The following PDIA5 variants were observed in gnomAD, a reference collection of about 807,000 sequenced individuals.
PDIA5 encodes protein disulfide isomerase family A member 5.
Under a neutral mutation model 77.6 loss-of-function variants are expected in PDIA5, and 58 were observed. The ratio of observed to expected loss-of-function variants is 0.75; its 90% confidence interval spans 0.61 to 0.93. The LOEUF is 0.93. Among genes scored for constraint, PDIA5 ranks in the 40% least tolerant of loss-of-function variants. The probability of loss-of-function intolerance (pLI) is 0.00; values close to 1 mark genes in which losing one functional copy is unlikely to be tolerated. For synonymous variants in PDIA5, 250 were observed against 252.1 expected (o/e 0.99, Z 0.08); for missense variants, 630 against 647.7 (o/e 0.97, Z 0.30).
At chr3:123,137,291 A>C (rs572632329) in intron 11 of PDIA5, among the ~76,000 whole-genome samples, 30 of 152,304 alleles carry the variant, frequency 2.0e-4, no homozygotes, top group African/African-American at 6.7e-4. Flanking sequence ...TTCATGTGAT[A>C]ATCAGCTTTT....
At chr3:123,108,303 CAG>C (rs2107939049) in intron 6 of PDIA5, among the ~76,000 whole-genome samples, 1 of 140,458 alleles carries the variant, frequency 7.1e-6, no homozygotes, top group Non-Finnish European at 1.5e-5. Flanking sequence ...TTTTTTGAGA[CAG>C]AGTCTTACTT....
At chr3:123,128,247 G>T (rs112095313) in intron 10 of PDIA5, among the ~76,000 whole-genome samples, 13 of 152,292 alleles carry the variant, frequency 8.5e-5, no homozygotes, top group African/African-American at 2.9e-4. Flanking sequence ...TGTGCGTGTG[G>T]TTCTTGGGCC....
At chr3:123,077,438 G>T (rs914104881) in intron 1 of PDIA5, among the ~76,000 whole-genome samples, 2 of 152,116 alleles carry the variant, frequency 1.3e-5, no homozygotes, top group East Asian at 1.9e-4. Flanking sequence ...TCTGTTCCTT[G>T]CCAGGTGCTT....
chr3:123,161,382 C>T lies in PDIA5; in HGVS notation c.1406C>T (p.Ala469Val), dbSNP rs1487771523. 9.9e-6 allele frequency: 16 copies of T among 1,614,066 alleles called. No individual in the cohort carries two copies. The highest frequency in any genetic ancestry group is 4.5e-5 in the East Asian group (2 of 44,882). ...AACCAAGACCTGTGCCAGCAGGAGG[C>T]GGTCAAGGGCTACCCCACTTTCCAC... The part of the protein sequence containing the change: ...DKNQDLCQQE[A>V]VKGYPTFHYY... The change falls in exon 16 of 17, where the codon GCG becomes GTG. Residue 469 changes from alanine to valine, a missense_variant. By Grantham distance (64) the Ala-to-Val change is moderately conservative. Coordinates refer to ENST00000316218, the MANE Select transcript of PDIA5 (RefSeq NM_006810.4).
chr3:123,102,324 A>G (rs1039016404), intron 3 of PDIA5, 87 bp from the exon 4 acceptor site: 1 of 971,108 alleles, frequency 1.0e-6, no homozygotes, highest in Non-Finnish European at 1.7e-6. Flanking sequence ...TACCTGACTT[A>G]TTTCTTAGGA....
rs752991543 is a variant in PDIA5 at position 123,102,509 on chromosome 3, G to A, written c.341+15G>A. On this transcript the variant is annotated intron_variant, in intron 4 of 16. Coordinates refer to ENST00000316218, the MANE Select transcript of PDIA5 (RefSeq NM_006810.4). ...TTCCATTACCAGTAAGTACACATGG[G>A]CATTTCCAATTTCCAAGTAAGTGCC... 1.9e-6 allele frequency: 3 copies of A among 1,593,234 alleles called. No individual in the cohort carries two copies. The highest frequency in any genetic ancestry group is 4.5e-5 in the East Asian group (2 of 44,784).
intron 3 of PDIA5, among the ~76,000 whole-genome samples, chr3:123,100,788 AG>A (rs1462994760): frequency 6.6e-6 from 1 of 152,136 alleles, no homozygotes; most frequent in Non-Finnish European, 1.5e-5. Context: ...AATTGAGCTG[AG>A]TGGTTTAATT....
chr3:123,139,013 G>A (rs1935562861), intron 11 of PDIA5, among the ~76,000 whole-genome samples: 1 of 152,182 alleles, frequency 6.6e-6, no homozygotes, highest in Non-Finnish European at 1.5e-5. Context: ...GAATCCGAGG[G>A]CTTTGGGTTG....
chr3:123,146,082 C>T lies in PDIA5; in HGVS notation c.982-17C>T, dbSNP rs765730034. The T allele has an allele frequency of 9.9e-6, 16 of 1,612,840 alleles. 1 individual carries two copies. In the Admixed American group the frequency reaches 1.3e-4, roughly 13 times the overall value. The stretch of plus-strand genomic sequence containing the variant: ...ATCTGAGGCTGTAATGCATGGTTGG[C>T]CTTTCCCCCATCCCAGAGCTCTGGT... On this transcript the variant is annotated splice_polypyrimidine_tract_variant and intron_variant, in intron 12 of 16. Coordinates refer to ENST00000316218, the MANE Select transcript of PDIA5 (RefSeq NM_006810.4).
intron 6 of PDIA5, among the ~76,000 whole-genome samples, chr3:123,107,998 T>G (rs1269368107): frequency 6.6e-6 from 1 of 151,878 alleles, no homozygotes; most frequent in Non-Finnish European, 1.5e-5. Flanking sequence ...GGGCTATCAC[T>G]GTTGCCCAAG....
chr3:123,113,488 G>A (rs528034801), intron 7 of PDIA5, among the ~76,000 whole-genome samples: 4 of 152,328 alleles, frequency 2.6e-5, no homozygotes, highest in Admixed American at 2.0e-4. Flanking sequence ...ATTGGTGGTA[G>A]GGGAGGGAGG....
chr3:123,108,065 G>A (rs1934777892), intron 6 of PDIA5, among the ~76,000 whole-genome samples: 2 of 152,144 alleles, frequency 1.3e-5, no homozygotes, highest in South Asian at 4.1e-4. Flanking sequence ...CCAAAGTGCT[G>A]GGATTACGGG....
chr3:123,143,221 T>C (rs1935683024), intron 11 of PDIA5, among the ~76,000 whole-genome samples: 1 of 151,618 alleles, frequency 6.6e-6, no homozygotes, highest in Non-Finnish European at 1.5e-5. Flanking sequence ...CCATCTCTAC[T>C]AAAAATACAA....
intron 14 of PDIA5, 118 bp downstream of exon 14, chr3:123,150,482 A>G (rs1187966788): frequency 3.3e-6 from 3 of 899,872 alleles, no homozygotes; most frequent in Non-Finnish European, 5.0e-6. Context: ...TCCCAGGGTC[A>G]TCTCCATTAT....
intron 8 of PDIA5, among the ~76,000 whole-genome samples, chr3:123,122,872 C>G (rs1935151470): frequency 6.6e-6 from 1 of 152,228 alleles, no homozygotes; most frequent in Non-Finnish European, 1.5e-5. Flanking sequence ...GCTTCTGTAA[C>G]TACTGCTGGC....
At chr3:123,150,388 A>G (rs1466387828) in intron 14 of PDIA5, 24 bp downstream of exon 14, 1 of 1,608,154 alleles carries the variant, frequency 6.2e-7, no homozygotes, top group Non-Finnish European at 8.5e-7. Context: ...GTGCTCACTG[A>G]GTGGCACAGT....
intron 3 of PDIA5, among the ~76,000 whole-genome samples, chr3:123,093,861 C>T (rs747988508): frequency 2.6e-5 from 4 of 152,314 alleles, no homozygotes; most frequent in African/African-American, 9.6e-5. Flanking sequence ...CACAATACCA[C>T]GCGCTCACAG....
At chr3:123,156,088 C>A (rs541801386) in intron 15 of PDIA5, among the ~76,000 whole-genome samples, 1 of 152,140 alleles carries the variant, frequency 6.6e-6, no homozygotes, top group Non-Finnish European at 1.5e-5. Context: ...CCTAAAGGTA[C>A]CATCCAGACC....
chr3:123,155,092 C>G (rs1363000934), intron 15 of PDIA5, 51 bp downstream of exon 15: 1 of 1,250,256 alleles, frequency 8.0e-7, no homozygotes, highest in Non-Finnish European at 1.2e-6. Flanking sequence ...AATTCCTACA[C>G]CTTCCTTCTT....
Sources: gnomAD v4.1 joint callset for allele counts (sites outside exome capture counted in the v4.1 genomes callset) on GRCh38, gnomAD v4.1.1 for gene constraint, MANE v1.5 for transcripts, NCBI Gene and HGNC (gene_info 2026-07-23, HGNC 2026-07-21) for gene names.